The following MYT1L variants were observed in gnomAD, a reference collection of about 807,000 sequenced individuals.
MYT1L encodes the protein myelin transcription factor 1-like protein.
MYT1L carries 12 observed loss-of-function variants against 126.7 expected under a neutral mutation model. The ratio of observed to expected loss-of-function variants is 0.09; its 90% CI spans 0.06 to 0.15. MYT1L has a LOEUF of 0.15. Among genes scored for constraint, MYT1L ranks in the 10% least tolerant of loss-of-function variants. The pLI is 1.00. For missense variants in MYT1L, 979 were observed against 1,585.2 expected (o/e 0.62, Z 6.49); for synonymous variants, 541 against 604.2 (o/e 0.90, Z 1.53).
chr2:2,186,699 A>T, intron 2 of MYT1L, among the ~76,000 whole-genome samples: 1 of 152,172 alleles, frequency 6.6e-6, no homozygotes, highest in Admixed American at 6.5e-5. Flanking sequence ...TCTTGACCCA[A>T]TTTTTGCATA....
At chr2:1,843,889 C>A (rs1314395355) in intron 19 of MYT1L, among the ~76,000 whole-genome samples, 3 of 152,226 alleles carry the variant, frequency 2.0e-5, no homozygotes, top group Non-Finnish European at 4.4e-5. Context: ...AAATCTGCAA[C>A]AAGATTTGGC....
chr2:1,795,492 G>C (rs778787393), intron 23 of MYT1L: 3 of 152,692 alleles, frequency 2.0e-5, no homozygotes, highest in East Asian at 3.9e-4. Context: ...CACAGAGGCC[G>C]GTGTCTCCCT....
rs561130860 is a variant in MYT1L at position 1,862,757 on chromosome 2, G to C, written c.2712-11054C>G. On this transcript the variant is annotated intron_variant, in intron 18 of 24. Coordinates refer to ENST00000647738, the MANE Select transcript of MYT1L (RefSeq NM_001303052.2). ...AGAGGTTGGAGCACCTGCTGCAAAC[G>C]CTGCAGGGATGTGGCCGTCTCATAT... Among the ~76,000 whole-genome samples, 8 of 152,300 alleles carry C rather than the reference G, an allele frequency of 5.3e-5. No homozygotes were observed. In the East Asian group the frequency reaches 9.6e-4, roughly 18 times the overall value.
chr2:2,067,441 A>C (rs2074016611), intron 3 of MYT1L, among the ~76,000 whole-genome samples: 1 of 152,192 alleles, frequency 6.6e-6, no homozygotes, highest in Admixed American at 6.5e-5. Flanking sequence ...GGAGTTAAAT[A>C]TCAAAAACTA....
intron 2 of MYT1L, among the ~76,000 whole-genome samples, chr2:2,250,560 C>CAA (rs1230829158): frequency 0.17 from 15,718 of 90,434 alleles, 968 homozygotes; most frequent in Non-Finnish European, 0.23. Context: ...TGAAAGGGTA[C>CAA]AAAAAAAAAA....
rs1359163046 is a variant in MYT1L at position 1,851,719 on chromosome 2, CAAATTGTGTTAAAATGG to C, written c.2712-33_2712-17del. 6 of 1,611,220 alleles carry C rather than the reference CAAATTGTGTTAAAATGG, an allele frequency of 3.7e-6. No individual in the cohort carries two copies. Among genetic ancestry groups the C allele is most frequent in the Non-Finnish European group, 5.1e-6 (6 of 1,177,820 alleles). On this transcript the variant is annotated splice_polypyrimidine_tract_variant and intron_variant, in intron 18 of 24. Coordinates refer to ENST00000647738, the MANE Select transcript of MYT1L (RefSeq NM_001303052.2). ...CGTGGGGCACCTACAATAAAAAATG[CAAATTGTGTTAAAATGG>C]AAAGAAATAAAGTTCCCTGAACAAT...
At chr2:2,038,124 C>T (rs545693842) in intron 4 of MYT1L, among the ~76,000 whole-genome samples, 7 of 152,278 alleles carry the variant, frequency 4.6e-5, no homozygotes, top group African/African-American at 9.6e-5. Flanking sequence ...AATACGTGCT[C>T]GCTGAATTAA....
chr2:1,814,318 C>T (rs1013551651), intron 21 of MYT1L, among the ~76,000 whole-genome samples: 2 of 152,190 alleles, frequency 1.3e-5, no homozygotes, highest in Admixed American at 6.5e-5. Flanking sequence ...AGGAGGCCCT[C>T]CAGGCCCAGG....
chr2:1,829,084 C>T (rs2039756705), intron 21 of MYT1L, among the ~76,000 whole-genome samples: 1 of 152,112 alleles, frequency 6.6e-6, no homozygotes, highest in South Asian at 2.1e-4. Context: ...GCCCCATCCT[C>T]CCTGCATCTA....
At chr2:1,839,454 A>G in intron 20 of MYT1L, 84 bp from the exon 21 acceptor site, 1 of 1,266,670 alleles carries the variant, frequency 7.9e-7, no homozygotes, top group Non-Finnish European at 1.1e-6. Context: ...ATAACCCGGC[A>G]TGAAGAAGAA....
intron 18 of MYT1L, among the ~76,000 whole-genome samples, chr2:1,861,101 G>A (rs2044536023): frequency 6.6e-6 from 1 of 152,098 alleles, no homozygotes; most frequent in Non-Finnish European, 1.5e-5. Context: ...TTAAATCTGA[G>A]GACCCCGAGG....
intron 4 of MYT1L, among the ~76,000 whole-genome samples, chr2:2,022,218 A>G (rs544473139): frequency 6.6e-6 from 1 of 152,204 alleles, no homozygotes; most frequent in South Asian, 2.1e-4. Context: ...GATTCCTTCC[A>G]AATTGGGAGG....
chr2:2,308,019 C>T (rs2095883697), intron 1 of MYT1L, among the ~76,000 whole-genome samples: 1 of 150,244 alleles, frequency 6.7e-6, no homozygotes, highest in African/African-American at 2.5e-5. Context: ...AGTACACTAC[C>T]TATGCTCCAC....
At chr2:2,276,336 T>C (rs1416289639) in intron 2 of MYT1L, among the ~76,000 whole-genome samples, 2 of 152,220 alleles carry the variant, frequency 1.3e-5, no homozygotes, top group African/African-American at 4.8e-5. Flanking sequence ...CCATGACAGC[T>C]TGTTACGGGA....
At chr2:2,137,006 T>C (rs1212717255) in intron 3 of MYT1L, among the ~76,000 whole-genome samples, 1 of 152,104 alleles carries the variant, frequency 6.6e-6, no homozygotes, top group Non-Finnish European at 1.5e-5. Flanking sequence ...GGATACAAAA[T>C]CAATGTGCAA....
intron 8 of MYT1L, among the ~76,000 whole-genome samples, chr2:1,966,364 G>A (rs2059357090): frequency 6.6e-6 from 1 of 152,200 alleles, no homozygotes; most frequent in Non-Finnish European, 1.5e-5. Flanking sequence ...GACAATTCCG[G>A]TTTTGAATAA....
chr2:2,046,689 G>A (rs910506235), intron 4 of MYT1L, among the ~76,000 whole-genome samples: 1 of 152,176 alleles, frequency 6.6e-6, no homozygotes, highest in South Asian at 2.1e-4. Context: ...TCATGCTCTT[G>A]GCTTCTGCAC....
At chr2:1,831,949 A>G (rs952991573) in intron 21 of MYT1L, among the ~76,000 whole-genome samples, 2 of 152,096 alleles carry the variant, frequency 1.3e-5, no homozygotes, top group African/African-American at 4.8e-5. Flanking sequence ...ACACTTCCCG[A>G]GGCCCGTTAC....
Position 1,939,075 on chromosome 2 carries a change from G to C in MYT1L, c.505+3907C>G, listed in dbSNP as rs558951514. Among the ~76,000 whole-genome samples the C allele has an allele frequency of 3.3e-5, 5 of 152,280 alleles. No individual in the cohort carries two copies. In the South Asian group the frequency reaches 1.0e-3, roughly 32 times the overall value. The stretch of plus-strand genomic sequence containing the variant: ...ATCGCCTGAGACTTTCTCTCTACTC[G>C]CAAGGCTGAGGCCAGCATGACCTTG... On this transcript the variant is annotated intron_variant, in intron 9 of 24. Transcript: ENST00000647738.
Sources: allele counts gnomAD v4.1 joint callset (sites outside exome capture counted in the v4.1 genomes callset), GRCh38; gene constraint gnomAD v4.1.1; transcripts MANE v1.5; gene names NCBI Gene and HGNC (gene_info 2026-07-23, HGNC 2026-07-21).